Variants in NEDD4L observed in about 807,000 individuals in gnomAD.
NEDD4L encodes the protein E3 ubiquitin-protein ligase NEDD4-like.
NEDD4L carries 54 observed loss-of-function variants against 148.9 expected under a neutral mutation model. The observed-to-expected ratio is 0.36, with a 90% CI of 0.29 to 0.45. The LOEUF (loss-of-function observed/expected upper bound fraction) is 0.45. NEDD4L is among the 20% of genes least tolerant of loss of function. The pLI is 1.00. For synonymous variants in NEDD4L, 433 were observed against 440.7 expected, an observed-to-expected ratio of 0.98 and a Z score of 0.22; for missense variants, 856 against 1,233.8, an observed-to-expected ratio of 0.69 and a Z score of 4.59.
At chr18:58,218,498 AC>A (rs1175998851) in intron 2 of NEDD4L, among the ~76,000 whole-genome samples, 1 of 152,044 alleles carries the variant, frequency 6.6e-6, no homozygotes, top group African/African-American at 2.4e-5. Flanking sequence ...TGGGAGACCC[AC>A]CCCTGGTCTT....
chr18:58,334,391 ACT>A (rs1353408507), intron 12 of NEDD4L, among the ~76,000 whole-genome samples: 2 of 152,010 alleles, frequency 1.3e-5, no homozygotes, highest in Non-Finnish European at 1.5e-5. Flanking sequence ...ATTCTTTCCA[ACT>A]CTCTCATCAT....
Position 58,396,471 on chromosome 18 carries a change from T to C in NEDD4L, c.*202T>C, listed in dbSNP as rs2050498092. On this transcript the variant is annotated 3_prime_UTR_variant, in exon 31 of 31. Coordinates refer to ENST00000400345, the MANE Select transcript of NEDD4L (RefSeq NM_001144967.3). ...AGTTCCTGCCTTTCCCACCACAAAT[T>C]ATCAACTGGTTGATGTGTACACTAA... The C allele has an allele frequency of 2.0e-6, 1 of 503,760 alleles. No individual in the cohort carries two copies. Among genetic ancestry groups the C allele is most frequent in the Admixed American group, 3.3e-5 (1 of 30,284 alleles). The allele number at this position is 503,760 out of a possible 1,614,324, so 31.2% of individuals were successfully genotyped here.
At chr18:58,101,966 T>A (rs1316976293) in intron 1 of NEDD4L, among the ~76,000 whole-genome samples, 1 of 152,228 alleles carries the variant, frequency 6.6e-6, no homozygotes, top group African/African-American at 2.4e-5. Context: ...GACCCTAATG[T>A]TGATGTGGCT....
chr18:58,324,925 A>G (rs930514908), intron 8 of NEDD4L, 71 bp from the exon 9 acceptor site: 31 of 1,399,852 alleles, frequency 2.2e-5, no homozygotes, highest in Non-Finnish European at 2.9e-5. Context: ...CATGCAGGGC[A>G]TGCTGTGATG....
At chr18:58,251,413 G>T (rs1436869510) in intron 4 of NEDD4L, among the ~76,000 whole-genome samples, 1 of 152,076 alleles carries the variant, frequency 6.6e-6, no homozygotes, top group Admixed American at 6.6e-5. Flanking sequence ...ACTCAGGAGA[G>T]TGAGGCAGGA....
At chr18:58,242,298 G>A (rs983031046) in intron 2 of NEDD4L, among the ~76,000 whole-genome samples, 2 of 152,178 alleles carry the variant, frequency 1.3e-5, no homozygotes, top group Middle Eastern at 3.2e-3. Context: ...TGTATTGTAT[G>A]TTTGGAATGG....
chr18:58,228,285 C>T (rs1017418570), intron 2 of NEDD4L, among the ~76,000 whole-genome samples: 5 of 152,214 alleles, frequency 3.3e-5, no homozygotes, highest in Admixed American at 1.3e-4. Flanking sequence ...CTTCTGCCAA[C>T]AGGAGTGGAG....
rs911518337 is a variant in NEDD4L, at chr18:58,399,311, T to A, written c.*3042T>A. 1.3e-5 allele frequency: 2 copies of A among 152,234 alleles called. No individual in the cohort carries two copies. Among genetic ancestry groups the A allele is most frequent in the Admixed American group, 1.3e-4 (2 of 15,282 alleles). The allele number at this position is 152,234 out of a possible 1,614,324, so 9.4% of individuals were successfully genotyped here. On this transcript the variant is annotated 3_prime_UTR_variant, in exon 31 of 31. Transcript: ENST00000400345. The stretch of plus-strand genomic sequence containing the variant: ...GCTCTTTTCCTTTTTGCCTGAAATG[T>A]TTATGCTTCTCTGCAGCCAGTCCTC...
At chr18:58,301,102 G>T (rs147441762) in intron 5 of NEDD4L, among the ~76,000 whole-genome samples, 2 of 152,080 alleles carry the variant, frequency 1.3e-5, no homozygotes, top group East Asian at 3.8e-4. Flanking sequence ...TAGTCACCAG[G>T]TTCCTTTAAC....
chr18:58,230,244 C>G (rs753248520), intron 2 of NEDD4L, among the ~76,000 whole-genome samples: 16 of 152,124 alleles, frequency 1.1e-4, no homozygotes, highest in Non-Finnish European at 1.8e-4. Flanking sequence ...AGTCCTCAAA[C>G]ATTAGTATTT....
intron 10 of NEDD4L, among the ~76,000 whole-genome samples, chr18:58,329,395 C>T (rs1371677134): frequency 6.6e-6 from 1 of 152,116 alleles, no homozygotes; most frequent in Non-Finnish European, 1.5e-5. Flanking sequence ...CTTGCTCTGT[C>T]GCCCAGGCTA....
chr18:58,395,969 T>C (rs1454557353), intron 30 of NEDD4L, among the ~76,000 whole-genome samples, 198 bp from the exon 31 acceptor site: 1 of 152,192 alleles, frequency 6.6e-6, no homozygotes, highest in Non-Finnish European at 1.5e-5. Context: ...CATTTGAAAA[T>C]GTTCTTTCTC....
At chr18:58,045,479 A>G (rs1200403356) in intron 1 of NEDD4L, 3 of 199,750 alleles carry the variant, frequency 1.5e-5, no homozygotes, top group Non-Finnish European at 3.0e-5. Context: ...CACGCCTCCC[A>G]GGCGGTCGGT....
intron 5 of NEDD4L, among the ~76,000 whole-genome samples, chr18:58,283,050 CTTATTTATTTATTTATTTATTTAT>C (rs10555499): frequency 4.0e-5 from 6 of 150,164 alleles, no homozygotes; most frequent in African/African-American, 1.5e-4. Context: ...TGCACACTGC[CTTATTTATTTATTTATTTATTTAT>C]TTATTTATTT....
chr18:58,363,777 A>G (rs539421530), intron 19 of NEDD4L, among the ~76,000 whole-genome samples: 1 of 152,284 alleles, frequency 6.6e-6, no homozygotes, highest in African/African-American at 2.4e-5. Flanking sequence ...GCCTGATTTT[A>G]TATTCCTTGA....
Position 58,325,016 on chromosome 18 carries a change from C to G in NEDD4L, c.534C>G (p.Asp178Glu), listed in dbSNP as rs903587997. The change falls in exon 9 of 31, where the codon GAC becomes GAG. Residue 178 changes from aspartate (D) to glutamate (E), a missense_variant. Physicochemically the swap from Asp to Glu is conservative, Grantham distance 45 (BLOSUM62 2). Coordinates refer to ENST00000400345, the MANE Select transcript of NEDD4L (RefSeq NM_001144967.3). ...DDMEHGWEVV[D>E]SNDSASQHQE... The stretch of plus-strand genomic sequence containing the variant: ...CGCAGCATGGATGGGAAGTTGTTGA[C>G]TCAAATGACTCGGCTTCTCAGCACC... The G allele has an allele frequency of 2.5e-6, 4 of 1,613,828 alleles. No homozygotes were observed. The highest frequency in any genetic ancestry group is 3.3e-5 in the Admixed American group (2 of 60,024).
At chr18:58,349,498 T>G (rs2043593358) in intron 16 of NEDD4L, 39 bp from the exon 17 acceptor site, 3 of 1,530,802 alleles carry the variant, frequency 2.0e-6, no homozygotes, top group Non-Finnish European at 2.7e-6. Context: ...CACAGATACT[T>G]CCACTTAGCA....
At chr18:58,254,208 A>G (rs2048238342) in intron 5 of NEDD4L, among the ~76,000 whole-genome samples, 1 of 152,212 alleles carries the variant, frequency 6.6e-6, no homozygotes, top group Admixed American at 6.5e-5. Context: ...TGACAAAGTC[A>G]TGCTTTGCAG....
intron 20 of NEDD4L, among the ~76,000 whole-genome samples, chr18:58,364,662 C>T (rs996234996): frequency 6.6e-5 from 10 of 152,214 alleles, no homozygotes; most frequent in South Asian, 2.1e-4. Context: ...TTCAATTATG[C>T]GCAGTTATCA....
Sources: allele counts gnomAD v4.1 joint callset (sites outside exome capture counted in the v4.1 genomes callset), GRCh38; gene constraint gnomAD v4.1.1; transcripts MANE v1.5; gene names NCBI Gene and HGNC (gene_info 2026-07-23, HGNC 2026-07-21).